The following KIF3C variants were observed in gnomAD, a reference collection of about 807,000 sequenced individuals.
The protein encoded by KIF3C is kinesin-like protein KIF3C.
In KIF3C, 12 loss-of-function variants were observed where a neutral mutation model predicts 67.7. That is an observed-to-expected ratio of 0.18 (90% CI 0.11 to 0.29). The LOEUF (loss-of-function observed/expected upper bound fraction) is 0.29, where lower values mean the gene tolerates loss of function less well. KIF3C is among the 10% of genes least tolerant of loss of function. KIF3C has a pLI of 1.00. For missense variants in KIF3C, 789 were observed against 1,059.6 expected (o/e 0.74, Z 3.55); for synonymous variants, 393 against 426.2 (o/e 0.92, Z 0.96).
rs74917917 is a variant in KIF3C, at chr2:25,943,080, C to T, written c.2006+8709G>A. On this transcript the variant is annotated intron_variant, in intron 5 of 7. Coordinates refer to ENST00000264712, the MANE Select transcript of KIF3C (RefSeq NM_002254.8). ...TTCTCATCCCCAGAATACCACAGGCCGAAATAAAGCAAAATATTCCACACT... is the reference window on the plus strand; with the variant it reads ...TTCTCATCCCCAGAATACCACAGGCTGAAATAAAGCAAAATATTCCACACT... Among the ~76,000 whole-genome samples the T allele has an allele frequency of 3.3e-3, 499 of 152,182 alleles. 3 individuals are homozygous for T. The highest frequency in any genetic ancestry group is 0.011 in the African/African-American group (468 of 41,490).
chr2:25,953,367 A>T (rs1663690595), intron 4 of KIF3C, among the ~76,000 whole-genome samples: 1 of 149,100 alleles, frequency 6.7e-6, no homozygotes, highest in Non-Finnish European at 1.5e-5. Flanking sequence ...TTTAAAAATA[A>T]TTTTTTTTTT....
chr2:25,968,542 T>C (rs1485402695), intron 1 of KIF3C, among the ~76,000 whole-genome samples: 1 of 152,208 alleles, frequency 6.6e-6, no homozygotes, highest in African/African-American at 2.4e-5. Context: ...TTTGTGACTT[T>C]CTAGAGGGTT....
intron 1 of KIF3C, among the ~76,000 whole-genome samples, chr2:25,961,767 A>G (rs1001233273): frequency 5.3e-5 from 8 of 152,202 alleles, no homozygotes; most frequent in Non-Finnish European, 1.2e-4. Flanking sequence ...CTCCAGAGAC[A>G]TAAAGCAGAG....
At chr2:25,972,644 A>T (rs998433019) in intron 1 of KIF3C, among the ~76,000 whole-genome samples, 1 of 152,208 alleles carries the variant, frequency 6.6e-6, no homozygotes, top group Non-Finnish European at 1.5e-5. Context: ...CCTTGGGGAC[A>T]TGTGGATGGA....
At chr2:25,954,482 C>A in intron 3 of KIF3C, 97 bp from the exon 4 acceptor site, 1 of 859,336 alleles carries the variant, frequency 1.2e-6, no homozygotes, top group African/African-American at 1.7e-5. Context: ...CAGAGTCTAC[C>A]GACTCAGCCC....
At chr2:25,939,872 C>G (rs1353592000) in intron 5 of KIF3C, among the ~76,000 whole-genome samples, 2 of 152,054 alleles carry the variant, frequency 1.3e-5, no homozygotes, top group Non-Finnish European at 2.9e-5. Flanking sequence ...ATCGCTTGAA[C>G]CTGTGAGGTG....
In KIF3C at chr2:25,981,976, C is replaced by T. The variant is rs1017909688; in HGVS notation, c.-59G>A. The T allele has an allele frequency of 7.2e-7, 1 of 1,397,822 alleles. No homozygotes were observed. The highest frequency in any genetic ancestry group is 1.4e-5 in the African/African-American group (1 of 69,684). The allele number at this position is 1,397,822 out of a possible 1,614,324, so 86.6% of individuals were successfully genotyped here. On this transcript the variant is annotated 5_prime_UTR_variant, in exon 1 of 8. Transcript: ENST00000264712. This position sits in a 1 kb window ranked among gnomAD's most constrained non-coding sequence, Gnocchi z 8.2. ...TCCGCAGCCTGGGCGGTCCTGCTAT[C>T]CTGCTCGCTAGGTCGGGATCAGCGG...
intron 5 of KIF3C, among the ~76,000 whole-genome samples, chr2:25,943,349 G>A (rs1243181727): frequency 1.3e-5 from 2 of 152,084 alleles, no homozygotes; most frequent in African/African-American, 2.4e-5. Flanking sequence ...ACCTTCTGTG[G>A]TGAAATGAGG....
chr2:25,946,502 A>C (rs1663439675), intron 5 of KIF3C, among the ~76,000 whole-genome samples: 1 of 152,246 alleles, frequency 6.6e-6, no homozygotes, highest in Admixed American at 6.5e-5. Context: ...ATCCTGGCCA[A>C]CATGGTGAAA....
Position 25,928,987 on chromosome 2 carries a change from G to A in KIF3C, c.2373C>T (p.Asp791=). Reference sequence around the variant, plus strand: ...CCTGACGTGATGGTTGTCACTCATGGTCCGCCACTGTTGCAGGGCGCAGAG... The same window carrying A: ...CCTGACGTGATGGTTGTCACTCATGATCCGCCACTGTTGCAGGGCGCAGAG... ...SASLRPATVA[D]HE The change falls in exon 8 of 8, where the codon GAC becomes GAT. Residue 791 remains aspartate (D), a synonymous_variant. Coordinates refer to ENST00000264712, the MANE Select transcript of KIF3C (RefSeq NM_002254.8). 1 of 1,613,296 alleles carries A rather than the reference G, an allele frequency of 6.2e-7. No homozygotes were observed. Among genetic ancestry groups the A allele is most frequent in the South Asian group, 1.1e-5 (1 of 91,022 alleles).
intron 4 of KIF3C, among the ~76,000 whole-genome samples, chr2:25,953,684 T>G (rs868107104): frequency 2.2e-4 from 31 of 139,662 alleles, no homozygotes; most frequent in Middle Eastern, 9.4e-3. Flanking sequence ...TTTTTTTTTT[T>G]TTTTGAGACG....
intron 1 of KIF3C, among the ~76,000 whole-genome samples, chr2:25,974,076 T>C (rs1664349193): frequency 1.3e-5 from 2 of 152,300 alleles, no homozygotes; most frequent in Admixed American, 1.3e-4. Context: ...TTAATTCTCT[T>C]TTTTTCTTTT....
intron 5 of KIF3C, among the ~76,000 whole-genome samples, chr2:25,948,816 C>G (rs902565399): frequency 6.6e-6 from 1 of 151,860 alleles, no homozygotes; most frequent in African/African-American, 2.4e-5. Context: ...AGGTAAAGCA[C>G]CTGCCACACT....
At chr2:25,954,143 C>A (rs1180117083) in intron 4 of KIF3C, 124 bp downstream of exon 4, 10 of 742,026 alleles carry the variant, frequency 1.3e-5, no homozygotes, top group Non-Finnish European at 2.2e-5. Context: ...AGCCCTCAGA[C>A]GCATTTTATT....
Position 25,981,240 on chromosome 2 carries a change from G to A in KIF3C, c.678C>T (p.Cys226=), listed in dbSNP as rs945983197. 2 of 1,614,152 alleles carry A rather than the reference G, an allele frequency of 1.2e-6. No individual in the cohort carries two copies. The highest frequency in any genetic ancestry group is 1.7e-6 in the Non-Finnish European group (2 of 1,180,032). The part of the protein sequence containing the change: ...SHAIFIITVE[C]SERGSDGQDH... ...CCTGGCCATCAGAGCCACGTTCGCT[G>A]CACTCCACAGTGATGATGAAGATGG... is the stretch of plus-strand genomic sequence containing the variant. The change falls in exon 1 of 8, where the codon TGC becomes TGT. Residue 226 remains cysteine, a synonymous_variant. Transcript: ENST00000264712. This position sits in a 1 kb window ranked among gnomAD's most constrained non-coding sequence, Gnocchi z 8.2.
chr2:25,935,908 T>C lies in KIF3C; in HGVS notation c.2007-5845A>G, dbSNP rs776462460. 2.1e-3 allele frequency among the ~76,000 whole-genome samples: 318 copies of C among 149,882 alleles called. 1 individual carries two copies. The highest frequency in any genetic ancestry group is 2.4e-3 in the Non-Finnish European group (161 of 67,636). ...CTGGCTAACACGGTGAAACCCCATCTCTACTAAAAAAAATACAAAAAAAAA... is the reference window on the plus strand; with the variant it reads ...CTGGCTAACACGGTGAAACCCCATCCCTACTAAAAAAAATACAAAAAAAAA... On this transcript the variant is annotated intron_variant, in intron 5 of 7. Coordinates refer to ENST00000264712, the MANE Select transcript of KIF3C (RefSeq NM_002254.8).
chr2:25,967,817 C>A (rs551291043), intron 1 of KIF3C, among the ~76,000 whole-genome samples: 1 of 152,086 alleles, frequency 6.6e-6, no homozygotes, highest in African/African-American at 2.4e-5. Context: ...CAGAGTGAGA[C>A]CCTGTCTCAA....
Position 25,951,855 on chromosome 2 carries a change from A to T in KIF3C, c.1940T>A (p.Met647Lys). 6.2e-7 allele frequency: 1 copy of T among 1,614,088 alleles called. No homozygotes were observed. Among genetic ancestry groups the T allele is most frequent in the Non-Finnish European group, 8.5e-7 (1 of 1,179,972 alleles). ...CTCACAGTCCAGGAAAAGCCGGTTC[A>T]TGATCTTGTTCTTCTCCTCCGGCGG... ...FIPPEEKNKI[M>K]NRLFLDCEEE... The change falls in exon 5 of 8, where the codon ATG becomes AAG. Residue 647 changes from methionine to lysine, a missense_variant. Met to Lys is a moderately conservative substitution (Grantham distance 95). This residue lies in a region of KIF3C where 648 missense variants were observed against 807.8 expected (regional missense o/e 0.80). Coordinates refer to ENST00000264712, the MANE Select transcript of KIF3C (RefSeq NM_002254.8).
chr2:25,933,615 C>T (rs1200741075), intron 5 of KIF3C, among the ~76,000 whole-genome samples: 4 of 151,520 alleles, frequency 2.6e-5, no homozygotes, highest in Admixed American at 2.6e-4. Context: ...GTCAAGGCTG[C>T]AGTGAGCCGT....
Sources: gnomAD v4.1 joint callset for allele counts (sites outside exome capture counted in the v4.1 genomes callset) on GRCh38, gnomAD v4.1.1 for gene constraint, gnomAD v4.1.1 regional missense constraint, Gnocchi (gnomAD v3.1) non-coding constraint, MANE v1.5 for transcripts, NCBI Gene and HGNC (gene_info 2026-07-23, HGNC 2026-07-21) for gene names.